FAM153A: variants seen among roughly 807,000 people sequenced by gnomAD.
FAM153A encodes the protein family with sequence similarity 153 member A.
A neutral mutation model predicts 48.1 loss-of-function variants in FAM153A; 12 were observed. That is an observed-to-expected ratio of 0.25 (90% CI 0.16 to 0.40). The LOEUF is 0.40. Among genes scored for constraint, FAM153A ranks in the 10% least tolerant of loss-of-function variants. FAM153A has a pLI of 1.00. For missense variants in FAM153A, 111 were observed against 345.8 expected (o/e 0.32, Z 5.38); for synonymous variants, 36 against 118.2 (o/e 0.30, Z 4.51).
downstream of FAM153A, among the ~76,000 whole-genome samples, chr5:177,706,548 C>T (rs1328584985): frequency 6.6e-6 from 1 of 151,968 alleles, no homozygotes; most frequent in Admixed American, 6.5e-5. Context: ...TAGTTTTAGA[C>T]AAAACGTAGT....
intron 1 of FAM153A, among the ~76,000 whole-genome samples, chr5:177,751,399 C>T (rs375589173): frequency 1.4e-5 from 2 of 142,568 alleles, no homozygotes; most frequent in East Asian, 2.1e-4. Context: ...TAATGGCCTA[C>T]GTTATGTTAA....
At chr5:177,738,851 C>T (rs1205447061) in intron 10 of FAM153A, among the ~76,000 whole-genome samples, 1 of 151,706 alleles carries the variant, frequency 6.6e-6, no homozygotes, top group Non-Finnish European at 1.5e-5. Context: ...CATTCATAAT[C>T]CCTATACATA....
intron 25 of FAM153A, among the ~76,000 whole-genome samples, chr5:177,716,046 C>T (rs1167594696): frequency 2.7e-5 from 4 of 150,146 alleles, no homozygotes; most frequent in African/African-American, 9.9e-5. Flanking sequence ...TGCAGTGGCG[C>T]AATCTTAGCT....
intron 1 of FAM153A, among the ~76,000 whole-genome samples, chr5:177,770,049 G>C (rs1769025395): frequency 8.2e-6 from 1 of 121,238 alleles, no homozygotes; most frequent in African/African-American, 3.3e-5. Context: ...TCTAGTTGCA[G>C]GTGAGTCATG....
downstream of FAM153A, among the ~76,000 whole-genome samples, chr5:177,707,672 A>G (rs1339052323): frequency 6.6e-6 from 1 of 151,440 alleles, no homozygotes; most frequent in Non-Finnish European, 1.5e-5. Context: ...CAATTCTCCT[A>G]CCTCAGCCTC....
chr5:177,749,213 A>T (rs1297549633), intron 2 of FAM153A, among the ~76,000 whole-genome samples: 1 of 151,834 alleles, frequency 6.6e-6, no homozygotes, highest in Non-Finnish European at 1.5e-5. Context: ...TGTGCAGTAA[A>T]CTAAATGTAA....
chr5:177,737,550 C>T (rs146431445), intron 10 of FAM153A, among the ~76,000 whole-genome samples: 18,269 of 151,122 alleles, frequency 0.12, 1,429 homozygotes, highest in East Asian at 0.33. Flanking sequence ...GATGGAGTTA[C>T]TCTCTTCTTG....
intron 10 of FAM153A, among the ~76,000 whole-genome samples, chr5:177,737,945 A>G (rs1471272335): frequency 4.6e-5 from 7 of 151,798 alleles, no homozygotes; most frequent in Admixed American, 3.9e-4. Flanking sequence ...AAAATACTCA[A>G]TTATCCTACC....
chr5:177,696,798 C>CT, the FAM153A span, among the ~76,000 whole-genome samples: 2 of 151,750 alleles, frequency 1.3e-5, no homozygotes, highest in South Asian at 4.2e-4. Flanking sequence ...TCCCAAGTAG[C>CT]TGATACTATA....
intron 4 of FAM153A, 198 bp from the exon 7 acceptor site, chr5:177,745,165 A>G: frequency 6.6e-6 from 1 of 151,618 alleles, no homozygotes. Context: ...AGTGCACACC[A>G]GCAGTGCAGG....
chr5:177,704,252 C>A (rs1337767606), downstream of FAM153A, among the ~76,000 whole-genome samples: 5 of 67,256 alleles, frequency 7.4e-5, no homozygotes, highest in African/African-American at 3.3e-4. Flanking sequence ...TGATTGGACC[C>A]TGGAGGCGGT....
chr5:177,706,971 C>T (rs1038810385), downstream of FAM153A: 29 of 151,996 alleles, frequency 1.9e-4, 1 homozygote, highest in African/African-American at 6.1e-4. Context: ...CATTATAAAA[C>T]GATAAAGAGA....
intron 1 of FAM153A, among the ~76,000 whole-genome samples, chr5:177,766,474 TACA>T (rs1411423529): frequency 4.4e-5 from 1 of 22,874 alleles, no homozygotes; most frequent in Non-Finnish European, 7.9e-5. Flanking sequence ...AAGAAAGTTT[TACA>T]ACATCAAGAC....
In FAM153A at chr5:177,735,065, C is replaced by T. The variant is rs1211104752; in HGVS notation, c.665-132G>A. The T allele has an allele frequency of 1.7e-5, 11 of 646,264 alleles. No homozygotes were observed. The South Asian group carries it at 2.2e-4, about 13-fold the overall frequency. The allele number at this position is 646,264 out of a possible 1,614,324, so 40.0% of individuals were successfully genotyped here. On this transcript the variant is annotated intron_variant, in intron 12 of 20. Transcript: ENST00000614127. ...GATGCAGGAAGAAAGGGAATCAGGG[C>T]CTTTGGCTTCCTAGCTCCAGGCCAC...
intron 1 of FAM153A, among the ~76,000 whole-genome samples, chr5:177,760,694 G>A (rs1327934042): frequency 7.3e-5 from 3 of 41,006 alleles, no homozygotes; most frequent in East Asian, 5.7e-4. Context: ...GCTTTGTCAC[G>A]GTGTCAGTGC....
the FAM153A span, among the ~76,000 whole-genome samples, chr5:177,696,720 A>G: frequency 9.3e-5 from 14 of 151,014 alleles, no homozygotes; most frequent in Admixed American, 7.3e-4. Flanking sequence ...AGGCTGGAGT[A>G]CTGTGGTGTG....
At chr5:177,770,538 AAAGTAAAACTATG>A (rs1341143059) in intron 1 of FAM153A, among the ~76,000 whole-genome samples, 1 of 96,586 alleles carries the variant, frequency 1.0e-5, no homozygotes, top group Non-Finnish European at 2.1e-5. Context: ...TCTCCTGAAA[AAAGTAAAACTATG>A]AAGACAGATA....
At position 177,778,285 on chromosome 5, in the gene FAM153A, A is replaced by AAG. The variant is rs1491015433; in HGVS notation, c.-57+2163_-57+2164insCT. On this transcript the variant is annotated intron_variant, in intron 1 of 8. Transcript: ENST00000393518. The stretch of plus-strand genomic sequence containing the variant: ...ATAAAAAAAAAAAAAAAAAAAAAAA[A>AAG]GAAATAAGTGAAGCAATTGTTAGAA... Among the ~76,000 whole-genome samples the AAG allele has an allele frequency of 3.9e-5, 3 of 76,554 alleles. 1 individual carries two copies. Among genetic ancestry groups the AAG allele is most frequent in the Non-Finnish European group, 7.8e-5 (3 of 38,374 alleles). 50.2% of individuals were successfully genotyped at this position (76,554 alleles called of 152,430 possible).
chr5:177,728,547 TGGG>T (rs1388784796), intron 18 of FAM153A, among the ~76,000 whole-genome samples: 2 of 113,444 alleles, frequency 1.8e-5, no homozygotes, highest in African/African-American at 5.9e-5. Context: ...CTTAGTTTGT[TGGG>T]GTGTTTTTTT....
Sources: gnomAD v4.1 joint callset for allele counts (sites outside exome capture counted in the v4.1 genomes callset) on GRCh38, gnomAD v4.1.1 for gene constraint, MANE v1.5 for transcripts, NCBI Gene and HGNC (gene_info 2026-07-23, HGNC 2026-07-21) for gene names.